ELOVL1: variants seen among roughly 807,000 people sequenced by gnomAD.
ELOVL1 encodes very long chain fatty acid elongase 1.
A neutral mutation model predicts 37.8 loss-of-function variants in ELOVL1; 10 were observed. That is an observed-to-expected ratio of 0.26 (90% confidence interval 0.16 to 0.45). ELOVL1 has a LOEUF of 0.45. Ranked by LOEUF, ELOVL1 falls within the 20% of genes least tolerant of loss-of-function variation. The probability of loss-of-function intolerance (pLI) is 1.00; values close to 1 mark genes in which losing one functional copy is unlikely to be tolerated. For synonymous variants in ELOVL1, 133 were observed against 123.8 expected, an observed-to-expected ratio of 1.07 and a Z score of -0.49; for missense variants, 256 against 352.7, an observed-to-expected ratio of 0.73 and a Z score of 2.20.
At position 43,363,936 on chromosome 1, in the gene ELOVL1, C is replaced by T; in HGVS notation, c.820G>A (p.Ala274Thr). The stretch of plus-strand genomic sequence containing the variant: ...GCTTCTCAGTTGGCCTTGACCTTGG[C>T]AATACCTGGAGCTCCATTTTGCTGA... Reference protein sequence around the residue: ...ALQQNGAPGIAKVKAN With the variant: ...ALQQNGAPGITKVKAN Residue 274 changes from alanine (A) to threonine (T), a missense_variant, in exon 8 of 8, where the codon GCC (alanine) becomes ACC (threonine). By Grantham distance (58) the Ala-to-Thr change is moderately conservative. Transcript: ENST00000372458. The T allele has an allele frequency of 6.2e-7, 1 of 1,613,562 alleles. No individual in the cohort carries two copies. The highest frequency in any genetic ancestry group is 8.5e-7 in the Non-Finnish European group (1 of 1,180,034).
At chr1:43,366,561 A>T (rs1352603844) in intron 1 of ELOVL1, 1 of 153,290 alleles carries the variant, frequency 6.5e-6, no homozygotes, top group Non-Finnish European at 1.5e-5. Context: ...AAGGTCCTAG[A>T]TTCTGAGCCA....
chr1:43,364,632 G>A lies in ELOVL1; in HGVS notation c.391C>T (p.Arg131Ter), dbSNP rs748852224. ...AAGGTCACCTGCCCGTCTTTCTTTC[G>A]GAGAATAAAGATCACCTGAGAGAAG... The part of the protein sequence containing the change: ...ELMDTVIFIL[R>*]KKDGQVTFLH... The change falls in exon 6 of 8, where the codon CGA (arginine) becomes TGA (stop). Residue 131 changes from arginine to a stop codon, truncating the protein, a stop_gained. Transcript: ENST00000372458. LOFTEE classifies it high-confidence loss of function. The surrounding 1 kb of genome is among the most constrained non-coding windows in gnomAD (Gnocchi z 5.2). The A allele has an allele frequency of 5.6e-6, 9 of 1,613,956 alleles. No homozygotes were observed. Among genetic ancestry groups the A allele is most frequent in the East Asian group, 2.2e-5 (1 of 44,890 alleles).
In ELOVL1 at chr1:43,364,470, G is replaced by A. The variant is rs1448693084; in HGVS notation, c.482-10C>T. ...AAAGAGCCCATTCCTCCTGTGAGTG[G>A]ACAATAAGACAGGGTCAGCAGAGTC... On this transcript the variant is annotated splice_polypyrimidine_tract_variant and intron_variant, in intron 6 of 7. Transcript: ENST00000372458. This position sits in a 1 kb window ranked among gnomAD's most constrained non-coding sequence, Gnocchi z 5.2. 7 of 1,613,942 alleles carry A rather than the reference G, an allele frequency of 4.3e-6. No homozygotes were observed. The highest frequency in any genetic ancestry group is 5.1e-6 in the Non-Finnish European group (6 of 1,180,008).
intron 2 of ELOVL1, 27 bp from the exon 3 acceptor site, chr1:43,365,403 G>A (rs1647215806): frequency 6.2e-7 from 1 of 1,609,832 alleles, no homozygotes; most frequent in Non-Finnish European, 8.5e-7. Context: ...AAGGAATCAG[G>A]AAGAGTCACA....
In ELOVL1 at chr1:43,364,895, GTTGC is replaced by G. The variant is rs1647205095; in HGVS notation, c.318+29_318+32del. On this transcript the variant is annotated intron_variant, in intron 4 of 7. Transcript: ENST00000372458. The surrounding 1 kb of genome is among the most constrained non-coding windows in gnomAD (Gnocchi z 5.2). ...GCCCCAAACTGGTCATATCTACCAG[GTTGC>G]TTATGACCTAGCCCCAGCCCCTACT... The G allele has an allele frequency of 1.2e-6, 2 of 1,613,774 alleles. No individual in the cohort carries two copies. Among genetic ancestry groups the G allele is most frequent in the South Asian group, 2.2e-5 (2 of 91,066 alleles).
At chr1:43,365,686 T>C in intron 1 of ELOVL1, 63 bp from the exon 2 acceptor site, 2 of 1,532,570 alleles carry the variant, frequency 1.3e-6, no homozygotes, top group Non-Finnish European at 1.8e-6. Context: ...CCCACAGAGA[T>C]AAGACACAGA....
At position 43,365,247 on chromosome 1, in the gene ELOVL1, C is replaced by T. The variant is rs769555812; in HGVS notation, c.176G>A (p.Arg59His). 8.7e-6 allele frequency: 14 copies of T among 1,614,016 alleles called. No homozygotes were observed. Among genetic ancestry groups the T allele is most frequent in the Non-Finnish European group, 1.1e-5 (13 of 1,180,034 alleles). The change falls in exon 3 of 8, where the codon CGT becomes CAT. Residue 59 changes from arginine (R) to histidine (H), a missense_variant. By Grantham distance (29) the Arg-to-His change is conservative (BLOSUM62 0). Coordinates refer to ENST00000372458, the MANE Select transcript of ELOVL1 (RefSeq NM_022821.4). ...GAAGTTGTAGACAATCATGAAGCCACGGAGCTGGAAGGGCTTCCGATTAGC... is the reference window on the plus strand; with the variant it reads ...GAAGTTGTAGACAATCATGAAGCCATGGAGCTGGAAGGGCTTCCGATTAGC... ...IMANRKPFQL[R>H]GFMIVYNFSL...
At chr1:43,366,768 G>C (rs1647250194) in intron 1 of ELOVL1, among the ~76,000 whole-genome samples, 1 of 152,062 alleles carries the variant, frequency 6.6e-6, no homozygotes, top group South Asian at 2.1e-4. Context: ...GGGGGAGGTC[G>C]CAGGAATCTT....
chr1:43,363,603 G>A lies in ELOVL1; in HGVS notation c.*313C>T. 4.7e-6 allele frequency: 2 copies of A among 421,134 alleles called. No individual in the cohort carries two copies. Among genetic ancestry groups the A allele is most frequent in the South Asian group, 2.6e-5 (1 of 38,156 alleles). The allele number at this position is 421,134 out of a possible 1,614,324, so 26.1% of individuals were successfully genotyped here. A position where few individuals can be genotyped will look rare whatever the true frequency, so the allele number is the denominator to read the frequency against. On this transcript the variant is annotated 3_prime_UTR_variant, in exon 8 of 8. Transcript: ENST00000372458. Reference sequence around the variant, plus strand: ...AAAAAGGCCACGAGACCCTTTGTGGGGCCAGCCCTGAGTGCTCCTCTCCCA... The same window carrying A: ...AAAAAGGCCACGAGACCCTTTGTGGAGCCAGCCCTGAGTGCTCCTCTCCCA...
chr1:43,364,451 C>G lies in ELOVL1; in HGVS notation c.491G>C (p.Gly164Ala). Residue 164 changes from glycine to alanine, a missense_variant, in exon 7 of 8, where the codon GGC becomes GCC. Physicochemically the swap from Gly to Ala is moderately conservative, Grantham distance 60. Coordinates refer to ENST00000372458, the MANE Select transcript of ELOVL1 (RefSeq NM_022821.4). This position sits in a 1 kb window ranked among gnomAD's most constrained non-coding sequence, Gnocchi z 5.2. ...AGAGTTTATCATGGCATGGAAAGAG[C>G]CCATTCCTCCTGTGAGTGGACAATA... ...WGVKIAPGGM[G>A]SFHAMINSSV... The G allele has an allele frequency of 6.2e-7, 1 of 1,614,038 alleles. No individual in the cohort carries two copies. Among genetic ancestry groups the G allele is most frequent in the Non-Finnish European group, 8.5e-7 (1 of 1,180,010 alleles).
At position 43,365,183 on chromosome 1, in the gene ELOVL1, C is replaced by T. The variant is rs962901461; in HGVS notation, c.237+3G>A. The T allele has an allele frequency of 1.4e-5, 22 of 1,613,240 alleles. No individual in the cohort carries two copies. The highest frequency in any genetic ancestry group is 1.8e-5 in the Non-Finnish European group (21 of 1,179,400). On this transcript the variant is annotated splice_donor_region_variant and intron_variant, in intron 3 of 7. Transcript: ENST00000372458. ...ATTAAAGCCCGGCATCCCAGGGGCC[C>T]ACCTCATAGACAATGTAGAGGGAGA... is the stretch of plus-strand genomic sequence containing the variant.
Position 43,365,206 on chromosome 1 carries a change from A to C in ELOVL1, c.217T>G (p.Ser73Ala). ...IVYNFSLVAL[S>A]LYIVYEFLMS... is the part of the protein sequence containing the mutation. ...CCCACCTCATAGACAATGTAGAGGG[A>C]GAGTGCCACCAGTGAGAAGTTGTAG... Residue 73 changes from serine (S) to alanine (A), a missense_variant, in exon 3 of 8, where the codon TCC (serine) becomes GCC (alanine). This residue lies in a region of ELOVL1 where 158 missense variants were observed against 189.4 expected (regional missense o/e 0.83). Transcript: ENST00000372458. The C allele has an allele frequency of 6.2e-7, 1 of 1,614,178 alleles. No individual in the cohort carries two copies. The highest frequency in any genetic ancestry group is 1.7e-4 in the Middle Eastern group (1 of 6,058).
chr1:43,365,903 C>A (rs1647226114), intron 1 of ELOVL1, among the ~76,000 whole-genome samples: 1 of 151,946 alleles, frequency 6.6e-6, no homozygotes, highest in Non-Finnish European at 1.5e-5. Flanking sequence ...CCTCCCTTCC[C>A]CTCTTCCTCC....
In ELOVL1 at chr1:43,365,643, G is replaced by A. The variant is rs778705889; in HGVS notation, c.-14-20C>T. 4.3e-5 allele frequency: 69 copies of A among 1,613,598 alleles called. No individual in the cohort carries two copies. Among genetic ancestry groups the A allele is most frequent in the Non-Finnish European group, 5.3e-5 (63 of 1,179,704 alleles). The stretch of plus-strand genomic sequence containing the variant: ...AGGACTCTGGGGAGGTACAGAGGGC[G>A]GATGTCAGACAGATCCCACTGCACA... On this transcript the variant is annotated intron_variant, in intron 1 of 7. Transcript: ENST00000372458.
chr1:43,363,934 G>A lies in ELOVL1; in HGVS notation c.822C>T (p.Ala274=), dbSNP rs748289830. 5 of 1,613,376 alleles carry A rather than the reference G, an allele frequency of 3.1e-6. No homozygotes were observed. The African/African-American group carries it at 6.7e-5, about 22-fold the overall frequency. The change falls in exon 8 of 8, where the codon GCC becomes GCT. Residue 274 remains alanine (A), a synonymous_variant. Transcript: ENST00000372458. ...ALQQNGAPGI[A]KVKAN is the part of the protein sequence containing the mutation. ...ATGCTTCTCAGTTGGCCTTGACCTT[G>A]GCAATACCTGGAGCTCCATTTTGCT...
chr1:43,365,724 T>C lies in ELOVL1; in HGVS notation c.-14-101A>G, dbSNP rs1217847884. On this transcript the variant is annotated intron_variant, in intron 1 of 7. Transcript: ENST00000372458. ...CAGACAAGACACCTGCAATGCCTCA[T>C]TGCAGAAAGGACAGAACAGTGAAAG... 3.3e-6 allele frequency: 4 copies of C among 1,220,228 alleles called. No homozygotes were observed. In the African/African-American group the frequency reaches 4.5e-5, roughly 14 times the overall value. The allele number at this position is 1,220,228 out of a possible 1,614,324, so 75.6% of individuals were successfully genotyped here.
chr1:43,364,726 A>G lies in ELOVL1; in HGVS notation c.375+12T>C, dbSNP rs377159872. The G allele has an allele frequency of 3.3e-5, 53 of 1,614,072 alleles. No homozygotes were observed. In the African/African-American group the frequency reaches 6.3e-4, roughly 19 times the overall value. On this transcript the variant is annotated intron_variant, in intron 5 of 7. Transcript: ENST00000372458. This position sits in a 1 kb window ranked among gnomAD's most constrained non-coding sequence, Gnocchi z 5.2. ...CTCCCCTCAAGTTCTCACATCTCAT[A>G]TAACTACTCACTGTGTCCATCAGCT...
At chr1:43,366,498 T>A (rs1438629538) in intron 1 of ELOVL1, 3 of 157,470 alleles carry the variant, frequency 1.9e-5, no homozygotes, top group Non-Finnish European at 2.8e-5. Flanking sequence ...GAAAGCCAAG[T>A]AAAGCCCCAG....
Position 43,364,420 on chromosome 1 carries a change from C to T in ELOVL1, c.522G>A (p.Val174=), listed in dbSNP as rs932831697. The T allele has an allele frequency of 1.9e-6, 3 of 1,614,008 alleles. No homozygotes were observed. The Admixed American group carries it at 5.0e-5, about 27-fold the overall frequency. The change falls in exon 7 of 8, where the codon GTG becomes GTA. Residue 174 remains valine, a synonymous_variant. Coordinates refer to ENST00000372458, the MANE Select transcript of ELOVL1 (RefSeq NM_022821.4). This position sits in a 1 kb window ranked among gnomAD's most constrained non-coding sequence, Gnocchi z 5.2. ...CGTAGTACAGGTACATTATGACATG[C>T]ACGGAAGAGTTTATCATGGCATGGA... ...GSFHAMINSS[V]HVIMYLYYGL...
Sources: gnomAD v4.1 joint callset for allele counts (sites outside exome capture counted in the v4.1 genomes callset) on GRCh38, gnomAD v4.1.1 for gene constraint, gnomAD v4.1.1 regional missense constraint, Gnocchi (gnomAD v3.1) non-coding constraint, MANE v1.5 for transcripts, NCBI Gene and HGNC (gene_info 2026-07-23, HGNC 2026-07-21) for gene names.